The following SLC12A1 variants were observed in gnomAD, a reference collection of about 807,000 sequenced individuals.
SLC12A1 encodes solute carrier family 12 member 1, also known as Na-K-2Cl cotransporter.
Under a neutral mutation model 130.4 loss-of-function variants are expected in SLC12A1, and 89 were observed. That is an observed-to-expected ratio of 0.68 (90% CI 0.58 to 0.81). SLC12A1 has a LOEUF of 0.81. Among genes scored for constraint, SLC12A1 ranks in the 40% least tolerant of loss-of-function variants. SLC12A1 has a pLI of 0.00. For synonymous variants in SLC12A1, 499 were observed against 460.0 expected (o/e 1.08, Z -1.09); for missense variants, 1,310 against 1,336.4 (o/e 0.98, Z 0.31).
At chr15:48,270,127 T>C (rs1341195487) in intron 19 of SLC12A1, among the ~76,000 whole-genome samples, 1 of 152,194 alleles carries the variant, frequency 6.6e-6, no homozygotes, top group Non-Finnish European at 1.5e-5. Flanking sequence ...AATTCAGTCA[T>C]TGTCTTCTTC....
chr15:48,293,440 T>A (rs1238026051), intron 24 of SLC12A1, among the ~76,000 whole-genome samples: 1 of 152,218 alleles, frequency 6.6e-6, no homozygotes, highest in Non-Finnish European at 1.5e-5. Flanking sequence ...CCAAGAGGAA[T>A]CATACAGAGG....
At chr15:48,251,896 G>T in intron 15 of SLC12A1, 126 bp downstream of exon 15, 1 of 788,636 alleles carries the variant, frequency 1.3e-6, no homozygotes, top group Non-Finnish European at 2.0e-6. Flanking sequence ...TAATAATATC[G>T]TGCAATATAA....
In SLC12A1 at chr15:48,221,000, A is replaced by G; in HGVS notation, c.628+4A>G. 1.2e-6 allele frequency: 2 copies of G among 1,613,644 alleles called. No individual in the cohort carries two copies. The highest frequency in any genetic ancestry group is 8.5e-7 in the Non-Finnish European group (1 of 1,179,538). ...ATTGTTGGAGAAGCTGGAATTGGTA[A>G]GCATTTTTCCCCTCCTAAATAATTT... On this transcript the variant is annotated splice_donor_region_variant and intron_variant, in intron 4 of 26. Transcript: ENST00000380993.
chr15:48,238,931 G>C (rs57214754), intron 9 of SLC12A1, among the ~76,000 whole-genome samples: 4,028 of 152,286 alleles, frequency 0.026, 96 homozygotes, highest in African/African-American at 0.054. Context: ...AGAAAGCTAA[G>C]AAGTGATTTC....
intron 17 of SLC12A1, among the ~76,000 whole-genome samples, chr15:48,262,837 A>T (rs2041790983): frequency 6.6e-6 from 1 of 152,210 alleles, no homozygotes. Context: ...TTCTAAGCAT[A>T]GCCAAGTTCA....
chr15:48,232,653 C>T (rs2141037244), intron 7 of SLC12A1, 74 bp from the exon 8 acceptor site: 1 of 954,708 alleles, frequency 1.0e-6, no homozygotes, highest in Non-Finnish European at 1.7e-6. Context: ...GCAGTGGACA[C>T]TTCTAACTTT....
chr15:48,288,117 T>C lies in SLC12A1; in HGVS notation c.2704T>C (p.Phe902Leu). 6.2e-7 allele frequency: 1 copy of C among 1,610,696 alleles called. No individual in the cohort carries two copies. The highest frequency in any genetic ancestry group is 8.5e-7 in the Non-Finnish European group (1 of 1,178,460). Residue 902 changes from phenylalanine (F) to leucine (L), a missense_variant, in exon 22 of 27, where the codon TTT (phenylalanine) becomes CTT (leucine). Coordinates refer to ENST00000380993, the MANE Select transcript of SLC12A1 (RefSeq NM_000338.3). ...NQKLVEASTQFKKKQEKGTID... is the reference protein window; with the variant it reads ...NQKLVEASTQLKKKQEKGTID... ...GAAACTGGTGGAAGCCAGCACTCAA[T>C]TTAAAAAGAAACAAGAAAAAGGCAC... is the stretch of plus-strand genomic sequence containing the variant.
Position 48,302,842 on chromosome 15 carries a change from T to C in SLC12A1, c.3257T>C (p.Leu1086Pro). 2.5e-6 allele frequency: 4 copies of C among 1,612,644 alleles called. No homozygotes were observed. Among genetic ancestry groups the C allele is most frequent in the Non-Finnish European group, 3.4e-6 (4 of 1,178,796 alleles). ...ACAAAGAACCTCCCACCTGTCTTAC[T>C]AGTTAGAGGAAATCACAAAAATGTC... ...ILTKNLPPVL[L>P]VRGNHKNVLT... The change falls in exon 27 of 27, where the codon CTA becomes CCA. Residue 1086 changes from leucine (L) to proline (P), a missense_variant. Physicochemically the swap from Leu to Pro is moderately conservative, Grantham distance 98. Coordinates refer to ENST00000380993, the MANE Select transcript of SLC12A1 (RefSeq NM_000338.3).
intron 2 of SLC12A1, among the ~76,000 whole-genome samples, chr15:48,215,271 T>C (rs1225511749): frequency 1.3e-5 from 2 of 152,214 alleles, no homozygotes; most frequent in Non-Finnish European, 2.9e-5. Flanking sequence ...CTGCATGTGA[T>C]TGAAGATTCA....
intron 13 of SLC12A1, among the ~76,000 whole-genome samples, chr15:48,248,478 T>C (rs895789573): frequency 6.6e-6 from 1 of 152,238 alleles, no homozygotes; most frequent in African/African-American, 2.4e-5. Flanking sequence ...TCCTTTAAAA[T>C]CATTCTTTCA....
Position 48,207,612 on chromosome 15 carries a change from A to C in SLC12A1, c.-108A>C. ...TATTGAATCATCTAGAACAAAAGCCAGGAGCTCCCTAATGGAAGCACATTA... is the reference window on the plus strand; with the variant it reads ...TATTGAATCATCTAGAACAAAAGCCCGGAGCTCCCTAATGGAAGCACATTA... On this transcript the variant is annotated 5_prime_UTR_variant, in exon 2 of 27. Transcript: ENST00000380993. The C allele has an allele frequency of 1.2e-6, 1 of 835,326 alleles. No homozygotes were observed. The highest frequency in any genetic ancestry group is 1.8e-6 in the Non-Finnish European group (1 of 568,380). 51.7% of individuals were successfully genotyped at this position (835,326 alleles called of 1,614,324 possible). A position where few individuals can be genotyped will look rare whatever the true frequency, so the allele number is the denominator to read the frequency against.
chr15:48,301,511 G>C, intron 26 of SLC12A1, 129 bp downstream of exon 26: 9 of 478,130 alleles, frequency 1.9e-5, no homozygotes, highest in East Asian at 5.5e-5. Context: ...TTGGGGGGGG[G>C]AACACGTGGG....
intron 2 of SLC12A1, among the ~76,000 whole-genome samples, chr15:48,218,812 TAC>T (rs2041160725): frequency 6.6e-6 from 1 of 152,172 alleles, no homozygotes. Context: ...CTCAAAGAAG[TAC>T]AGTCTACACA....
intron 24 of SLC12A1, among the ~76,000 whole-genome samples, chr15:48,292,160 T>C (rs574697402): frequency 7.4e-4 from 112 of 152,348 alleles, no homozygotes; most frequent in African/African-American, 2.6e-3. Flanking sequence ...CAGCACGAAG[T>C]GCAAGGTCAT....
intron 11 of SLC12A1, 60 bp from the exon 12 acceptor site, chr15:48,246,849 T>C (rs2041587797): frequency 6.3e-6 from 7 of 1,105,742 alleles, no homozygotes; most frequent in Non-Finnish European, 9.8e-6. Context: ...GAAAGCCGTT[T>C]GCTTATGAAA....
At chr15:48,267,196 C>T (rs1173149851) in intron 17 of SLC12A1, among the ~76,000 whole-genome samples, 1 of 152,170 alleles carries the variant, frequency 6.6e-6, no homozygotes, top group African/African-American at 2.4e-5. Flanking sequence ...TTTCGTGTTC[C>T]TGAAAGTGGC....
chr15:48,220,552 T>C, intron 2 of SLC12A1, 82 bp from the exon 3 acceptor site: 6 of 1,315,704 alleles, frequency 4.6e-6, no homozygotes, highest in Non-Finnish European at 6.1e-6. Flanking sequence ...TTATTTCAAT[T>C]GTTTTGATTT....
At chr15:48,283,309 A>G (rs1273562600) in intron 20 of SLC12A1, among the ~76,000 whole-genome samples, 1 of 152,246 alleles carries the variant, frequency 6.6e-6, no homozygotes, top group African/African-American at 2.4e-5. Flanking sequence ...GAGGCATAGA[A>G]AAAGTAAATT....
rs763188304 is a variant in SLC12A1 at position 48,291,876 on chromosome 15, T to C, written c.2960+12T>C. ...CCAAACAAAGAGAGGTATGAAATAT[T>C]TAACAAGAGACATTGATTACCCATG... is the stretch of plus-strand genomic sequence containing the variant. On this transcript the variant is annotated intron_variant, in intron 24 of 26. Transcript: ENST00000380993. The C allele has an allele frequency of 2.7e-6, 4 of 1,486,320 alleles. No homozygotes were observed. The highest frequency in any genetic ancestry group is 2.8e-6 in the Non-Finnish European group (3 of 1,084,044). The allele number at this position is 1,486,320 out of a possible 1,614,324, so 92.1% of individuals were successfully genotyped here.
Sources: gnomAD v4.1 joint callset for allele counts (sites outside exome capture counted in the v4.1 genomes callset) on GRCh38, gnomAD v4.1.1 for gene constraint, MANE v1.5 for transcripts, NCBI Gene and HGNC (gene_info 2026-07-23, HGNC 2026-07-21) for gene names.